The following KEL variants were observed in gnomAD, a reference collection of about 807,000 sequenced individuals.
KEL encodes kell blood group glycoprotein.
A neutral mutation model predicts 99.5 loss-of-function variants in KEL; 96 were observed. That is an observed-to-expected ratio of 0.97 (90% CI 0.82 to 1.14). KEL has a LOEUF of 1.14. Among genes scored for constraint, KEL ranks in the 50% most tolerant of loss-of-function variants. The pLI, the probability that KEL is intolerant of heterozygous loss-of-function variation, is 0.00. For missense variants in KEL, 926 were observed against 924.2 expected, an observed-to-expected ratio of 1.00 and a Z score of -0.03; for synonymous variants, 355 against 354.8, an observed-to-expected ratio of 1.00 and a Z score of -0.01.
At chr7:142,959,928 T>G (rs942493034) in intron 4 of KEL, among the ~76,000 whole-genome samples, 1 of 152,240 alleles carries the variant, frequency 6.6e-6, no homozygotes, top group African/African-American at 2.4e-5. Flanking sequence ...TCCCAGATTC[T>G]AATTGATAGT....
chr7:142,949,075 T>C (rs1449056418), intron 10 of KEL, among the ~76,000 whole-genome samples: 1 of 152,198 alleles, frequency 6.6e-6, no homozygotes, highest in Non-Finnish European at 1.5e-5. Context: ...TACCACTGAA[T>C]AGAGTATTAG....
At position 142,962,256 on chromosome 7, in the gene KEL, C is replaced by A; in HGVS notation, c.-50G>T. ...ATCCTTCCTGGTTCCACTCTAGGAG[C>A]TGATTCGGAGGACTGGGGTCCAGGA... On this transcript the variant is annotated 5_prime_UTR_variant, in exon 1 of 19. Coordinates refer to ENST00000355265, the MANE Select transcript of KEL (RefSeq NM_000420.3). The A allele has an allele frequency of 6.2e-7, 1 of 1,612,162 alleles. No individual in the cohort carries two copies. The highest frequency in any genetic ancestry group is 8.5e-7 in the Non-Finnish European group (1 of 1,178,172).
intron 18 of KEL, among the ~76,000 whole-genome samples, chr7:142,941,810 T>C (rs1796365783): frequency 7.5e-6 from 1 of 134,116 alleles, no homozygotes; most frequent in Non-Finnish European, 1.6e-5. Context: ...TGTCGCAGGC[T>C]TTTTTTTTTT....
intron 14 of KEL, 90 bp downstream of exon 14, chr7:142,943,693 G>T: frequency 2.1e-6 from 3 of 1,454,482 alleles, no homozygotes; most frequent in Non-Finnish European, 2.9e-6. Context: ...TACTGTTCAT[G>T]CTGCCTGCCC....
chr7:142,948,863 A>C (rs951473014), intron 10 of KEL, among the ~76,000 whole-genome samples: 1 of 151,742 alleles, frequency 6.6e-6, no homozygotes, highest in African/African-American at 2.4e-5. Context: ...TTGTTGCCAC[A>C]GGAGAAGGGT....
Position 142,953,823 on chromosome 7 carries a change from A to G in KEL, c.1058T>C (p.Met353Thr), listed in dbSNP as rs576127579. ...LKNMSQLVEE[M>T]LLKQRDFLQS... The stretch of plus-strand genomic sequence containing the variant: ...TGCGGCGAACCTCTGCTTTAGCAGC[A>G]TCTCCTCCACCAGTTGTGACATGTT... The change falls in exon 9 of 19, where the codon ATG becomes ACG. Residue 353 changes from methionine (M) to threonine (T), a missense_variant. By Grantham distance (81) the Met-to-Thr change is moderately conservative (BLOSUM62 -1). Transcript: ENST00000355265. 2 of 1,614,134 alleles carry G rather than the reference A, an allele frequency of 1.2e-6. No homozygotes were observed. Among genetic ancestry groups the G allele is most frequent in the South Asian group, 2.2e-5 (2 of 91,072 alleles).
At chr7:142,944,985 T>C in intron 11 of KEL, 1 of 585,042 alleles carries the variant, frequency 1.7e-6, no homozygotes, top group South Asian at 2.0e-5. Flanking sequence ...GAGATATAGT[T>C]CCTTTCCATG....
At chr7:142,956,603 G>A (rs1796836233) in intron 6 of KEL, among the ~76,000 whole-genome samples, 1 of 152,034 alleles carries the variant, frequency 6.6e-6, no homozygotes, top group African/African-American at 2.4e-5. Context: ...ACTCCACGAA[G>A]GAATCACACC....
rs777567115 is a variant in KEL, at chr7:142,954,282, T to C, written c.826A>G (p.Ile276Val). Residue 276 changes from isoleucine (I) to valine (V), a missense_variant, in exon 8 of 19, where the codon ATC (isoleucine) becomes GTC (valine). Coordinates refer to ENST00000355265, the MANE Select transcript of KEL (RefSeq NM_000420.3). ...TGGAACAGCCGTGAAGTGATGGAGA[T>C]TGACAAGGAAGAGTGTTCTTGCACC... ...SKVQEHSSLS[I>V]SITSRLFQFL... is the part of the protein sequence containing the mutation. 8.7e-6 allele frequency: 14 copies of C among 1,613,890 alleles called. 1 individual carries two copies. The Admixed American group carries it at 2.3e-4, about 27-fold the overall frequency.
At chr7:142,945,193 A>G (rs114128562) in intron 11 of KEL, among the ~76,000 whole-genome samples, 289 of 152,216 alleles carry the variant, frequency 1.9e-3, no homozygotes, top group African/African-American at 6.5e-3. Context: ...GTCCCCCACA[A>G]GTCTCCCTGC....
intron 2 of KEL, 50 bp downstream of exon 2, chr7:142,961,745 G>A (rs776685300): frequency 4.0e-5 from 59 of 1,493,084 alleles, no homozygotes; most frequent in Non-Finnish European, 4.5e-5. Flanking sequence ...TTTTAGAGCC[G>A]AGAGTGACAA....
intron 12 of KEL, 80 bp downstream of exon 12, chr7:142,944,563 G>T (rs1416757897): frequency 3.0e-6 from 4 of 1,322,056 alleles, no homozygotes; most frequent in African/African-American, 2.9e-5. Context: ...TTTGGCATTT[G>T]CTTCCAATCC....
At chr7:142,946,474 C>T (rs904541274) in intron 10 of KEL, 157 bp from the exon 11 acceptor site, 39 of 676,936 alleles carry the variant, frequency 5.8e-5, no homozygotes, top group African/African-American at 8.9e-5. Flanking sequence ...TGCACATCAC[C>T]GATCAGTACA....
At chr7:142,948,973 T>G (rs755369428) in intron 10 of KEL, among the ~76,000 whole-genome samples, 3 of 152,036 alleles carry the variant, frequency 2.0e-5, no homozygotes, top group Non-Finnish European at 4.4e-5. Flanking sequence ...AGTTTTTGAA[T>G]GTTGGTGATT....
intron 13 of KEL, among the ~76,000 whole-genome samples, chr7:142,944,119 A>G (rs1796447755): frequency 6.6e-6 from 1 of 152,206 alleles, no homozygotes; most frequent in African/African-American, 2.4e-5. Context: ...GTGTTGGCAC[A>G]TGCGTTGGGA....
chr7:142,953,868 T>C lies in KEL; in HGVS notation c.1013A>G (p.His338Arg), dbSNP rs748279370. Reference protein sequence around the residue: ...SLSPSQSLVVHDVEYLKNMSQ... With the variant: ...SLSPSQSLVVRDVEYLKNMSQ... ...CATGTTTTTCAAATATTCCACGTCA[T>C]GGACCACGAGGGACTGAGAAGGGCT... Residue 338 changes from histidine (H) to arginine (R), a missense_variant, in exon 9 of 19, where the codon CAT becomes CGT. Physicochemically the swap from His to Arg is conservative, Grantham distance 29. Transcript: ENST00000355265. 2.5e-5 allele frequency: 40 copies of C among 1,614,070 alleles called. No homozygotes were observed. The highest frequency in any genetic ancestry group is 5.1e-6 in the Non-Finnish European group (6 of 1,180,050).
intron 9 of KEL, 28 bp from the exon 10 acceptor site, chr7:142,952,666 A>G (rs1285937515): frequency 6.2e-7 from 1 of 1,613,358 alleles, no homozygotes; most frequent in African/African-American, 1.3e-5. Flanking sequence ...ACCCACACAT[A>G]TACCCCAGGA....
intron 3 of KEL, 86 bp from the exon 4 acceptor site, chr7:142,961,190 T>C: frequency 6.5e-7 from 1 of 1,529,240 alleles, no homozygotes; most frequent in South Asian, 1.1e-5. Context: ...ATCAGGTGAG[T>C]AACTAAGTGG....
In KEL at chr7:142,942,994, G is replaced by A. The variant is rs974248310; in HGVS notation, c.1822C>T (p.His608Tyr). The part of the protein sequence containing the change: ...ACDNHALQEA[H>Y]LCLKRHYAAF... ...GCATAATGGCGCTTCAGGCACAGGT[G>A]AGCTTCCTGGAGGGCATGGTTGTCA... The change falls in exon 17 of 19, where the codon CAC (histidine) becomes TAC (tyrosine). Residue 608 changes from histidine to tyrosine, a missense_variant. His to Tyr is a moderately conservative substitution (Grantham distance 83, BLOSUM62 2). Transcript: ENST00000355265. The A allele has an allele frequency of 6.2e-7, 1 of 1,614,222 alleles. No homozygotes were observed.
Sources: allele counts gnomAD v4.1 joint callset (sites outside exome capture counted in the v4.1 genomes callset), GRCh38; gene constraint gnomAD v4.1.1; transcripts MANE v1.5; gene names NCBI Gene and HGNC (gene_info 2026-07-23, HGNC 2026-07-21).